Variants in C10orf90 observed in about 807,000 individuals in gnomAD.
C10orf90 encodes (E2-independent) E3 ubiquitin-conjugating enzyme FATS.
C10orf90 carries 56 observed loss-of-function variants against 62.5 expected under a neutral mutation model. The ratio of observed to expected loss-of-function variants is 0.90; its 90% CI spans 0.72 to 1.12. The LOEUF is 1.12. Ranked by LOEUF, C10orf90 falls within the 50% of genes most tolerant of loss-of-function variation. The probability of loss-of-function intolerance (pLI) is 0.00; values close to 1 mark genes in which losing one functional copy is unlikely to be tolerated. For missense variants in C10orf90, 970 were observed against 880.4 expected (o/e 1.10, Z -1.29); for synonymous variants, 386 against 340.4 (o/e 1.13, Z -1.47).
chr10:126,567,214 G>C (rs1019533035), intron 2 of C10orf90, among the ~76,000 whole-genome samples: 2 of 152,186 alleles, frequency 1.3e-5, no homozygotes. Context: ...GGTTCTGCAG[G>C]CTGGGGTAGC....
intron 2 of C10orf90, among the ~76,000 whole-genome samples, chr10:126,526,673 C>T (rs1863959298): frequency 6.6e-6 from 1 of 152,194 alleles, no homozygotes; most frequent in Admixed American, 6.5e-5. Flanking sequence ...AATTCCAGAA[C>T]ATTTTCATCA....
intron 3 of C10orf90, among the ~76,000 whole-genome samples, chr10:126,505,495 A>ATAAT (rs1418956346): frequency 3.3e-5 from 5 of 152,158 alleles, no homozygotes; most frequent in African/African-American, 1.2e-4. Context: ...TTTATGTGGG[A>ATAAT]GATTAGTCAG....
chr10:126,619,999 T>C (rs924639015), intron 2 of C10orf90, among the ~76,000 whole-genome samples: 1 of 152,172 alleles, frequency 6.6e-6, no homozygotes, highest in Admixed American at 6.5e-5. Flanking sequence ...TCCTTTGTTT[T>C]ATATTAATCA....
At chr10:126,532,564 G>A (rs1864121201) in intron 2 of C10orf90, among the ~76,000 whole-genome samples, 3 of 151,884 alleles carry the variant, frequency 2.0e-5, no homozygotes, top group Non-Finnish European at 2.9e-5. Context: ...ATGGCCGGGC[G>A]CGGTGGCTCA....
Position 126,552,575 on chromosome 10 carries a change from T to C in C10orf90, c.314-38636A>G, listed in dbSNP as rs538762585. On this transcript the variant is annotated intron_variant, in intron 2 of 9. Transcript: ENST00000488181. ...GACTGAGCCCTGCCAGGAGACGCTGTCTTATAAAGGATACTCACCCAAGAT... is the reference window on the plus strand; with the variant it reads ...GACTGAGCCCTGCCAGGAGACGCTGCCTTATAAAGGATACTCACCCAAGAT... Among the ~76,000 whole-genome samples the C allele has an allele frequency of 2.1e-4, 32 of 152,330 alleles. 1 individual carries two copies. Among genetic ancestry groups the C allele is most frequent in the African/African-American group, 7.2e-4 (30 of 41,584 alleles).
In C10orf90 at chr10:126,427,719, G is replaced by A. The variant is rs566205055; in HGVS notation, c.2253-1629C>T. Among the ~76,000 whole-genome samples the A allele has an allele frequency of 1.2e-3, 182 of 152,270 alleles. 1 individual carries two copies. The highest frequency in any genetic ancestry group is 4.0e-3 in the African/African-American group (165 of 41,564). On this transcript the variant is annotated intron_variant, in intron 8 of 9. Transcript: ENST00000488181. ...CTGGACTCTTGGGCTTGCACCGGGG[G>A]CTCTCAGGCCTTCAGCCACAGACTG...
intron 4 of C10orf90, among the ~76,000 whole-genome samples, chr10:126,470,480 A>G (rs1316796724): frequency 2.0e-5 from 3 of 152,260 alleles, no homozygotes; most frequent in Non-Finnish European, 4.4e-5. Context: ...ATGTAATCCC[A>G]GCATGTTGGG....
At chr10:126,475,634 ATAACT>A (rs1564818690) in intron 4 of C10orf90, among the ~76,000 whole-genome samples, 2 of 147,040 alleles carry the variant, frequency 1.4e-5, no homozygotes. Context: ...GCAAAACTTA[ATAACT>A]TAATTAAGTT....
chr10:126,611,990 A>G (rs947245461), intron 2 of C10orf90, among the ~76,000 whole-genome samples: 2 of 152,244 alleles, frequency 1.3e-5, no homozygotes, highest in Admixed American at 6.5e-5. Flanking sequence ...ATGAAATTCA[A>G]CATTCAGTGG....
At chr10:126,605,921 G>T (rs539912535) in intron 2 of C10orf90, among the ~76,000 whole-genome samples, 1 of 144,948 alleles carries the variant, frequency 6.9e-6, no homozygotes, top group South Asian at 2.2e-4. Flanking sequence ...ACATTTGATT[G>T]CAGCACTAAA....
intron 2 of C10orf90, among the ~76,000 whole-genome samples, chr10:126,515,943 G>A (rs945871043): frequency 6.6e-6 from 1 of 152,218 alleles, no homozygotes; most frequent in South Asian, 2.1e-4. Context: ...TACTTTTCGT[G>A]AAGCACAAAT....
intron 2 of C10orf90, among the ~76,000 whole-genome samples, chr10:126,578,580 C>T (rs1464776115): frequency 6.6e-6 from 1 of 152,148 alleles, no homozygotes; most frequent in Non-Finnish European, 1.5e-5. Context: ...TTGGCATGTC[C>T]TATGATCCAG....
intron 1 of C10orf90, among the ~76,000 whole-genome samples, chr10:126,647,768 T>A (rs1238209341): frequency 1.3e-5 from 2 of 152,218 alleles, no homozygotes; most frequent in Non-Finnish European, 2.9e-5. Flanking sequence ...TTTACATACA[T>A]CCTCTCATTG....
intron 2 of C10orf90, among the ~76,000 whole-genome samples, chr10:126,618,404 C>T (rs904149530): frequency 2.6e-5 from 4 of 152,138 alleles, no homozygotes; most frequent in Non-Finnish European, 4.4e-5. Flanking sequence ...AAGACAGGGG[C>T]CTCCCGCCTC....
chr10:126,519,443 C>T (rs1863623194), intron 2 of C10orf90, among the ~76,000 whole-genome samples: 1 of 152,116 alleles, frequency 6.6e-6, no homozygotes, highest in African/African-American at 2.4e-5. Flanking sequence ...ATGGCAAATG[C>T]CCAGAGGCCT....
At chr10:126,662,372 G>T (rs1846533676) in intron 1 of C10orf90, among the ~76,000 whole-genome samples, 1 of 152,082 alleles carries the variant, frequency 6.6e-6, no homozygotes, top group African/African-American at 2.4e-5. Context: ...CCAGTAAGAT[G>T]TTCTTTCCTT....
intron 4 of C10orf90, among the ~76,000 whole-genome samples, chr10:126,487,642 C>T (rs550132990): frequency 3.6e-4 from 55 of 152,012 alleles, no homozygotes; most frequent in Non-Finnish European, 5.4e-4. Context: ...CCCAAGCCAT[C>T]GGAAATAATT....
intron 2 of C10orf90, among the ~76,000 whole-genome samples, chr10:126,564,371 G>T (rs888346522): frequency 6.6e-6 from 1 of 151,920 alleles, no homozygotes; most frequent in South Asian, 2.1e-4. Flanking sequence ...CAGCAGCAAA[G>T]TCCCACTGTG....
At chr10:126,655,073 C>A (rs140440664) in intron 1 of C10orf90, among the ~76,000 whole-genome samples, 2,285 of 152,254 alleles carry the variant, frequency 0.015, 49 homozygotes, top group African/African-American at 0.05. Flanking sequence ...GTAATCCCAG[C>A]ACTTTGGGAG....
Sources: gnomAD v4.1 joint callset for allele counts (sites outside exome capture counted in the v4.1 genomes callset) on GRCh38, gnomAD v4.1.1 for gene constraint, MANE v1.5 for transcripts, NCBI Gene and HGNC (gene_info 2026-07-23, HGNC 2026-07-21) for gene names.